The following PRKCB variants were observed in gnomAD, a reference collection of about 807,000 sequenced individuals.
PRKCB encodes the protein protein kinase C beta type.
In PRKCB, 13 loss-of-function variants were observed where a neutral mutation model predicts 81.5. The observed-to-expected ratio is 0.16, with a 90% CI of 0.10 to 0.25. The LOEUF is 0.25. Among genes scored for constraint, PRKCB ranks in the 10% least tolerant of loss-of-function variants. PRKCB has a pLI of 1.00. For missense variants in PRKCB, 509 were observed against 875.7 expected (o/e 0.58, Z 5.29); for synonymous variants, 335 against 321.4 (o/e 1.04, Z -0.45).
chr16:23,875,480 G>GATATATATAT (rs71381624), intron 2 of PRKCB, among the ~76,000 whole-genome samples: 249 of 4,582 alleles, frequency 0.054, 5 homozygotes, highest in Middle Eastern at 0.2. Flanking sequence ...CAACTAAAAA[G>GATATATATAT]ATATATATAT....
chr16:23,953,150 G>T (rs755249001), intron 2 of PRKCB, among the ~76,000 whole-genome samples: 1 of 152,128 alleles, frequency 6.6e-6, no homozygotes, highest in East Asian at 1.9e-4. Context: ...TTGAAGGTAC[G>T]CAGTCAATGA....
intron 2 of PRKCB, among the ~76,000 whole-genome samples, chr16:23,921,041 C>T (rs1049401307): frequency 1.3e-5 from 2 of 152,114 alleles, no homozygotes; most frequent in Admixed American, 6.6e-5. Context: ...TTTATGAAAC[C>T]GTCAGATCAC....
At chr16:23,878,059 CCT>C (rs972660455) in intron 2 of PRKCB, among the ~76,000 whole-genome samples, 3 of 152,160 alleles carry the variant, frequency 2.0e-5, no homozygotes, top group African/African-American at 4.8e-5. Flanking sequence ...GTCTTGAACT[CCT>C]GACCTCAGGT....
intron 2 of PRKCB, among the ~76,000 whole-genome samples, chr16:23,972,889 A>G (rs1239795823): frequency 6.6e-6 from 1 of 152,242 alleles, no homozygotes; most frequent in African/African-American, 2.4e-5. Flanking sequence ...CTGGGAGGGA[A>G]AGATATTTTT....
intron 10 of PRKCB, 40 bp from the exon 11 acceptor site, chr16:24,172,230 C>G (rs769158935): frequency 2.7e-6 from 4 of 1,488,936 alleles, no homozygotes; most frequent in Non-Finnish European, 3.7e-6. Context: ...GCCCCAGAAG[C>G]TACGGGATGC....
intron 5 of PRKCB, among the ~76,000 whole-genome samples, chr16:24,064,321 G>T (rs1966007557): frequency 6.6e-6 from 1 of 152,078 alleles, no homozygotes; most frequent in Non-Finnish European, 1.5e-5. Flanking sequence ...TTTCCTTTAA[G>T]CACAGCTTTA....
chr16:24,194,186 A>G lies in PRKCB; in HGVS notation c.1863+2956A>G, dbSNP rs962374567. Among the ~76,000 whole-genome samples, 6 of 152,058 alleles carry G rather than the reference A, an allele frequency of 3.9e-5. No individual in the cohort carries two copies. In the South Asian group the frequency reaches 1.2e-3, roughly 32 times the overall value. ...TACTAAAAATACAAAAATTAGCTAG[A>G]TGCGATGGCATGCACCTGTAGTCCC... On this transcript the variant is annotated intron_variant, in intron 16 of 16. Transcript: ENST00000643927.
In PRKCB at chr16:24,217,174, G is replaced by A; in HGVS notation, c.*2358G>A. 4.3e-6 allele frequency: 4 copies of A among 938,784 alleles called. No individual in the cohort carries two copies. Among genetic ancestry groups the A allele is most frequent in the Non-Finnish European group, 5.1e-6 (4 of 788,326 alleles). The allele number at this position is 938,784 out of a possible 1,614,324, so 58.2% of individuals were successfully genotyped here. ...GAAAGAAGGAAGGAAAAGAAGGAAG[G>A]AAGGAAGGAATATAGTGTTATAAAT... On this transcript the variant is annotated 3_prime_UTR_variant, in exon 17 of 17. Transcript: ENST00000643927.
chr16:24,146,773 A>G (rs1206943636), intron 9 of PRKCB, among the ~76,000 whole-genome samples: 3 of 152,168 alleles, frequency 2.0e-5, no homozygotes, highest in Non-Finnish European at 4.4e-5. Flanking sequence ...TTGGAATTTG[A>G]TAAGAACGTC....
intron 3 of PRKCB, among the ~76,000 whole-genome samples, chr16:23,995,275 TCAGTAGGGCCCAGAA>T (rs1022960570): frequency 4.6e-5 from 7 of 152,160 alleles, no homozygotes; most frequent in Non-Finnish European, 8.8e-5. Flanking sequence ...CTTCTGGTTT[TCAGTAGGGCCCAGAA>T]CAGTAGAAGG....
chr16:23,934,588 T>A (rs1248038679), intron 2 of PRKCB, among the ~76,000 whole-genome samples: 1 of 152,216 alleles, frequency 6.6e-6, no homozygotes, highest in Non-Finnish European at 1.5e-5. Flanking sequence ...TTTGTTACAT[T>A]AATAAGTTCC....
At chr16:23,903,059 T>C (rs1176567882) in intron 2 of PRKCB, among the ~76,000 whole-genome samples, 3 of 149,548 alleles carry the variant, frequency 2.0e-5, no homozygotes, top group Admixed American at 6.7e-5. Flanking sequence ...CTCAAACTCC[T>C]GGCCTCAGGA....
At chr16:24,165,145 G>A (rs60567523) in intron 10 of PRKCB, among the ~76,000 whole-genome samples, 4,726 of 152,222 alleles carry the variant, frequency 0.031, 258 homozygotes, top group African/African-American at 0.11. Context: ...GGCACAAGCC[G>A]TCCTCTCACC....
At chr16:23,869,963 G>A (rs562070088) in intron 2 of PRKCB, among the ~76,000 whole-genome samples, 17 of 152,060 alleles carry the variant, frequency 1.1e-4, no homozygotes, top group African/African-American at 3.9e-4. Context: ...CGGAGGTTGC[G>A]GTGAGCCGAG....
intron 2 of PRKCB, among the ~76,000 whole-genome samples, chr16:23,934,194 T>A (rs1391000779): frequency 2.0e-5 from 3 of 151,172 alleles, no homozygotes; most frequent in Non-Finnish European, 4.4e-5. Context: ...AGAGAATTGA[T>A]ATTAGATAGC....
chr16:24,007,279 T>C (rs1965138614), intron 3 of PRKCB, among the ~76,000 whole-genome samples: 1 of 152,202 alleles, frequency 6.6e-6, no homozygotes, highest in Non-Finnish European at 1.5e-5. Flanking sequence ...TTAATATTAT[T>C]GCCACAAATG....
intron 7 of PRKCB, among the ~76,000 whole-genome samples, chr16:24,110,510 C>CTTTTTTTTTTTTTTT (rs1211090636): frequency 9.0e-6 from 1 of 111,176 alleles, no homozygotes; most frequent in African/African-American, 4.5e-5. Flanking sequence ...CATGCCCAAC[C>CTTTTTTTTTTTTTTT]TTTTTTTTTT....
chr16:23,913,728 GC>G (rs1963696301), intron 2 of PRKCB, among the ~76,000 whole-genome samples: 1 of 152,204 alleles, frequency 6.6e-6, no homozygotes. Context: ...CTGGCTCAGT[GC>G]AGGAAGGGTT....
chr16:24,173,127 G>A (rs1310587072), intron 11 of PRKCB, among the ~76,000 whole-genome samples: 1 of 152,082 alleles, frequency 6.6e-6, no homozygotes, highest in Non-Finnish European at 1.5e-5. Context: ...ACTCCATGGG[G>A]GTGAAGGATC....
Sources: allele counts gnomAD v4.1 joint callset (sites outside exome capture counted in the v4.1 genomes callset), GRCh38; gene constraint gnomAD v4.1.1; transcripts MANE v1.5; gene names NCBI Gene and HGNC (gene_info 2026-07-23, HGNC 2026-07-21).